The following B3GALT5 variants were observed in gnomAD, a reference collection of about 807,000 sequenced individuals.
The protein encoded by B3GALT5 is UDP-Gal:betaGlcNAc beta 1,3-galactosyltransferase, polypeptide 5.
For synonymous variants in B3GALT5, 156 were observed against 158.6 expected (o/e 0.98, Z 0.12); for missense variants, 328 against 396.6 (o/e 0.83, Z 1.47).
In B3GALT5 at chr21:39,617,665, A is replaced by G. The variant is rs867628696; in HGVS notation, c.-392+4598A>G. Among the ~76,000 whole-genome samples, 155 of 152,356 alleles carry G rather than the reference A, an allele frequency of 1.0e-3. 1 individual carries two copies. Among genetic ancestry groups the G allele is most frequent in the African/African-American group, 3.6e-3 (149 of 41,596 alleles). On this transcript the variant is annotated intron_variant, in intron 1 of 3. Coordinates refer to ENST00000684187, the MANE Select transcript of B3GALT5 (RefSeq NM_001356336.2). The stretch of plus-strand genomic sequence containing the variant: ...CAGAGCTAAACCATATCACAGCTGT[A>G]GTTCAAGCTTGTCCAACCTGCAGCC...
intron 2 of B3GALT5, among the ~76,000 whole-genome samples, chr21:39,649,967 C>T (rs777387798): frequency 6.6e-6 from 1 of 152,158 alleles, no homozygotes; most frequent in Admixed American, 6.5e-5. Flanking sequence ...TCTGCCAGAC[C>T]TCACGCACCA....
chr21:39,623,935 T>A (rs1233592199), intron 1 of B3GALT5, among the ~76,000 whole-genome samples: 1 of 152,188 alleles, frequency 6.6e-6, no homozygotes, highest in Admixed American at 6.5e-5. Context: ...AAGCCAACCC[T>A]CTTCATGTAT....
chr21:39,650,609 C>T (rs922314938), intron 2 of B3GALT5, among the ~76,000 whole-genome samples: 3 of 152,142 alleles, frequency 2.0e-5, no homozygotes, highest in African/African-American at 7.2e-5. Context: ...ACAAGCACCC[C>T]GTTCATACCT....
intron 1 of B3GALT5, chr21:39,630,505 T>A (rs1037764784): frequency 6.7e-6 from 1 of 150,196 alleles, no homozygotes; most frequent in Non-Finnish European, 1.5e-5. Context: ...GTGCAATATC[T>A]CTTTCACATA....
chr21:39,657,407 C>G (rs117893648), intron 2 of B3GALT5: 2 of 152,866 alleles, frequency 1.3e-5, no homozygotes, highest in African/African-American at 4.8e-5. Context: ...CTTCTCCTGC[C>G]CTTGGACATC....
chr21:39,672,240 C>T lies in B3GALT5; in HGVS notation c.*10748C>T, dbSNP rs1056100905. The T allele has an allele frequency of 2.6e-5, 4 of 152,128 alleles. No individual in the cohort carries two copies. Among genetic ancestry groups the T allele is most frequent in the African/African-American group, 2.4e-5 (1 of 41,422 alleles). 9.4% of individuals were successfully genotyped at this position (152,128 alleles called of 1,614,324 possible). A position where few individuals can be genotyped will look rare whatever the true frequency, so the allele number is the denominator to read the frequency against. On this transcript the variant is annotated 3_prime_UTR_variant, in exon 4 of 4. Coordinates refer to ENST00000684187, the MANE Select transcript of B3GALT5 (RefSeq NM_001356336.2). The stretch of plus-strand genomic sequence containing the variant: ...CTCAGGGGTCCAGTCCCTGGGTCCC[C>T]GAAGAGGTAAGCCAAAGACATAGTG...
rs780128781 is a variant in B3GALT5, at chr21:39,669,189, C to T, written c.*7697C>T. On this transcript the variant is annotated 3_prime_UTR_variant, in exon 4 of 4. Coordinates refer to ENST00000684187, the MANE Select transcript of B3GALT5 (RefSeq NM_001356336.2). ...CAATCAGAGCACTGTGTTCTTGACC[C>T]TCTTAATTCAGAATATGTGAAAATC... The T allele has an allele frequency of 6.6e-6, 1 of 152,146 alleles. No individual in the cohort carries two copies. The highest frequency in any genetic ancestry group is 1.5e-5 in the Non-Finnish European group (1 of 68,028). The allele number at this position is 152,146 out of a possible 1,614,324, so 9.4% of individuals were successfully genotyped here.
Position 39,639,444 on chromosome 21 carries a change from CTTTCTTTCTTTT to C in B3GALT5, c.-391-6938_-391-6927del, listed in dbSNP as rs1374521519. Among the ~76,000 whole-genome samples, 89 of 122,660 alleles carry C rather than the reference CTTTCTTTCTTTT, an allele frequency of 7.3e-4. 3 individuals carry two copies. Among genetic ancestry groups the C allele is most frequent in the Middle Eastern group, 3.8e-3 (1 of 260 alleles). The allele number at this position is 122,660 out of a possible 152,430, so 80.5% of individuals were successfully genotyped here. A position where few individuals can be genotyped will look rare whatever the true frequency, so the allele number is the denominator to read the frequency against. On this transcript the variant is annotated intron_variant, in intron 1 of 3. Transcript: ENST00000684187. ...TCTTTCTTTCTTTCTTTCTTTCTTT[CTTTCTTTCTTTT>C]TTTCTTTCTCTCTCTCTCTCTCTTT...
rs946766233 is a variant in B3GALT5 at position 39,665,756 on chromosome 21, C to T, written c.*4264C>T. 2 of 152,262 alleles carry T rather than the reference C, an allele frequency of 1.3e-5. No homozygotes were observed. Among genetic ancestry groups the T allele is most frequent in the African/African-American group, 2.4e-5 (1 of 41,474 alleles). 9.4% of individuals were successfully genotyped at this position (152,262 alleles called of 1,614,324 possible). ...CCTCCCTGTAGGAAAATGCAACTCA[C>T]CTCACTCCCATGCCCCGTACCTTAT... is the stretch of plus-strand genomic sequence containing the variant. On this transcript the variant is annotated 3_prime_UTR_variant, in exon 4 of 4. Coordinates refer to ENST00000684187, the MANE Select transcript of B3GALT5 (RefSeq NM_001356336.2).
chr21:39,652,220 G>A (rs2079402773), intron 2 of B3GALT5, among the ~76,000 whole-genome samples: 1 of 152,216 alleles, frequency 6.6e-6, no homozygotes, highest in East Asian at 1.9e-4. Flanking sequence ...CCAGGATTGA[G>A]GCACTCAGCA....
In B3GALT5 at chr21:39,671,661, C is replaced by G. The variant is rs1183222625; in HGVS notation, c.*10169C>G. ...AAAATCTGTATGTGAACACTAGGAACTTTATCATGGGCTGAGGTGTATTTG... is the reference window on the plus strand; with the variant it reads ...AAAATCTGTATGTGAACACTAGGAAGTTTATCATGGGCTGAGGTGTATTTG... On this transcript the variant is annotated 3_prime_UTR_variant, in exon 4 of 4. Coordinates refer to ENST00000684187, the MANE Select transcript of B3GALT5 (RefSeq NM_001356336.2). 6.6e-6 allele frequency: 1 copy of G among 152,190 alleles called. No individual in the cohort carries two copies. The highest frequency in any genetic ancestry group is 1.5e-5 in the Non-Finnish European group (1 of 68,034). The allele number at this position is 152,190 out of a possible 1,614,324, so 9.4% of individuals were successfully genotyped here. A position where few individuals can be genotyped will look rare whatever the true frequency, so the allele number is the denominator to read the frequency against.
chr21:39,637,853 A>G (rs1569211267), intron 1 of B3GALT5, among the ~76,000 whole-genome samples: 1 of 152,188 alleles, frequency 6.6e-6, no homozygotes, highest in Non-Finnish European at 1.5e-5. Flanking sequence ...TGGGCAGTCC[A>G]TGGTTTGGCT....
chr21:39,644,024 A>G (rs1028057954), intron 1 of B3GALT5, among the ~76,000 whole-genome samples: 10 of 151,378 alleles, frequency 6.6e-5, no homozygotes, highest in Admixed American at 2.0e-4. Context: ...AGACAGGTCT[A>G]TGCCTTTCTC....
chr21:39,648,864 C>T (rs921269613), intron 2 of B3GALT5, among the ~76,000 whole-genome samples: 4 of 152,168 alleles, frequency 2.6e-5, no homozygotes, highest in African/African-American at 9.6e-5. Context: ...AGGGCTGTCT[C>T]TGCCGTTGTG....
In B3GALT5 at chr21:39,660,972, G is replaced by T; in HGVS notation, c.413G>T (p.Gly138Val). 6.2e-7 allele frequency: 1 copy of T among 1,609,266 alleles called. No homozygotes were observed. The highest frequency in any genetic ancestry group is 8.5e-7 in the Non-Finnish European group (1 of 1,176,654). Reference sequence around the variant, plus strand: ...AATCTGACCCTGAAGACCATGATGGGCATAGAATGGGTCCATCGCTTTTGT... The same window carrying T: ...AATCTGACCCTGAAGACCATGATGGTCATAGAATGGGTCCATCGCTTTTGT... ...YYNLTLKTMM[G>V]IEWVHRFCPQ... Residue 138 changes from glycine to valine, a missense_variant, in exon 4 of 4, where the codon GGC becomes GTC. By Grantham distance (109) the Gly-to-Val change is moderately radical. Coordinates refer to ENST00000684187, the MANE Select transcript of B3GALT5 (RefSeq NM_001356336.2).
chr21:39,668,255 G>A lies in B3GALT5; in HGVS notation c.*6763G>A, dbSNP rs1278467228. 6.6e-6 allele frequency: 1 copy of A among 152,266 alleles called. No homozygotes were observed. Among genetic ancestry groups the A allele is most frequent in the Non-Finnish European group, 1.5e-5 (1 of 68,100 alleles). 9.4% of individuals were successfully genotyped at this position (152,266 alleles called of 1,614,324 possible). A position where few individuals can be genotyped will look rare whatever the true frequency, so the allele number is the denominator to read the frequency against. On this transcript the variant is annotated 3_prime_UTR_variant, in exon 4 of 4. Transcript: ENST00000684187. ...AGGACCCAGGTTACAACTTGCTCAAGTAGACCCAGGATCTAGGCTTATCCT... is the reference window on the plus strand; with the variant it reads ...AGGACCCAGGTTACAACTTGCTCAAATAGACCCAGGATCTAGGCTTATCCT...
Position 39,618,661 on chromosome 21 carries a change from AT to A in B3GALT5, c.-392+5595del, listed in dbSNP as rs548316445. Among the ~76,000 whole-genome samples the A allele has an allele frequency of 3.4e-3, 516 of 152,302 alleles. 3 individuals are homozygous for A. The highest frequency in any genetic ancestry group is 0.012 in the African/African-American group (480 of 41,568). ...TGGAATGTCTTTTTCTTATAGATCT[AT>A]AGAAGCTCATTTAGAAATTCTAGAT... is the stretch of plus-strand genomic sequence containing the variant. On this transcript the variant is annotated intron_variant, in intron 1 of 3. Coordinates refer to ENST00000684187, the MANE Select transcript of B3GALT5 (RefSeq NM_001356336.2).
At chr21:39,647,662 T>C (rs1428428129) in intron 2 of B3GALT5, among the ~76,000 whole-genome samples, 2 of 152,148 alleles carry the variant, frequency 1.3e-5, no homozygotes, top group African/African-American at 4.8e-5. Flanking sequence ...GTTTAAAGTC[T>C]TCCTCTTCCT....
rs2079148140 is a variant in B3GALT5 at position 39,623,380 on chromosome 21, A to C, written c.-392+10313A>C. Among the ~76,000 whole-genome samples the C allele has an allele frequency of 2.0e-5, 3 of 151,872 alleles. No homozygotes were observed. In the South Asian group the frequency reaches 6.2e-4, roughly 32 times the overall value. On this transcript the variant is annotated intron_variant, in intron 1 of 3. Coordinates refer to ENST00000684187, the MANE Select transcript of B3GALT5 (RefSeq NM_001356336.2). The stretch of plus-strand genomic sequence containing the variant: ...TATTTTTATGGGCATAAATTAGTTA[A>C]ATTTAATGATATATTTGATCAATTT...
Sources: allele counts gnomAD v4.1 joint callset (sites outside exome capture counted in the v4.1 genomes callset), GRCh38; gene constraint gnomAD v4.1.1; transcripts MANE v1.5; gene names NCBI Gene and HGNC (gene_info 2026-07-23, HGNC 2026-07-21).